Variants in SIGLEC15 observed in about 807,000 individuals in gnomAD.
SIGLEC15 encodes sialic acid binding Ig like lectin 15, also known as sialic acid-binding Ig-like lectin 15.
A neutral mutation model predicts 26.2 loss-of-function variants in SIGLEC15; 31 were observed. That is an observed-to-expected ratio of 1.18 (90% CI 0.89 to 1.60). SIGLEC15 has a LOEUF of 1.60. SIGLEC15 is among the 40% of genes most tolerant of loss of function. The pLI is 0.00. For synonymous variants in SIGLEC15, 207 were observed against 221.9 expected, an observed-to-expected ratio of 0.93 and a Z score of 0.60; for missense variants, 501 against 488.4, an observed-to-expected ratio of 1.03 and a Z score of -0.24.
rs2145011024 is a variant in SIGLEC15, at chr18:45,825,720, G to A, written c.-9G>A. 1.2e-6 allele frequency: 2 copies of A among 1,614,202 alleles called. No individual in the cohort carries two copies. The highest frequency in any genetic ancestry group is 1.7e-6 in the Non-Finnish European group (2 of 1,180,012). ...CGGGTCTGGCCTGGGGTGTTCAGAT[G>A]CTCACAGCATGGAAAAGTCCATCTG... On this transcript the variant is annotated 5_prime_UTR_variant, in exon 1 of 6. It removes an upstream start codon present in the reference 5' UTR. Coordinates refer to ENST00000389474, the MANE Select transcript of SIGLEC15 (RefSeq NM_213602.3).
intron 1 of SIGLEC15, among the ~76,000 whole-genome samples, chr18:45,826,794 G>A (rs2048188284): frequency 6.6e-6 from 1 of 152,178 alleles, no homozygotes; most frequent in Non-Finnish European, 1.5e-5. Context: ...ACTCAGACTG[G>A]AGTCCAGCTC....
chr18:45,837,385 C>A, intron 2 of SIGLEC15, 128 bp from the exon 3 acceptor site: 4 of 1,324,482 alleles, frequency 3.0e-6, no homozygotes, highest in Non-Finnish European at 3.9e-6. Flanking sequence ...GGGGGACGAT[C>A]CCTGAGTCCT....
At chr18:45,832,485 C>A (rs553902) in intron 1 of SIGLEC15, among the ~76,000 whole-genome samples, 79 of 151,136 alleles carry the variant, frequency 5.2e-4, no homozygotes, top group African/African-American at 1.9e-3. Context: ...CTAGGACGTG[C>A]CAGGCACAGA....
intron 1 of SIGLEC15, among the ~76,000 whole-genome samples, chr18:45,830,218 C>G (rs2048222419): frequency 6.6e-6 from 1 of 152,208 alleles, no homozygotes; most frequent in African/African-American, 2.4e-5. Context: ...TGTGGCAAAA[C>G]CAAGGTTTCT....
chr18:45,839,946 C>A, intron 4 of SIGLEC15, among the ~76,000 whole-genome samples: 1 of 152,078 alleles, frequency 6.6e-6, no homozygotes, highest in Middle Eastern at 3.2e-3. Context: ...CTTTCTTGCC[C>A]GTTTCTTGGA....
intron 1 of SIGLEC15, among the ~76,000 whole-genome samples, chr18:45,833,572 C>T (rs1009097261): frequency 5.9e-5 from 9 of 152,178 alleles, no homozygotes; most frequent in Non-Finnish European, 1.2e-4. Flanking sequence ...CTTGGCCTCC[C>T]AAAGTGCTGG....
At position 45,837,901 on chromosome 18, in the gene SIGLEC15, G is replaced by A; in HGVS notation, c.496+5G>A. 6.7e-7 allele frequency: 1 copy of A among 1,499,588 alleles called. No individual in the cohort carries two copies. Among genetic ancestry groups the A allele is most frequent in the East Asian group, 2.8e-5 (1 of 35,826 alleles). 92.9% of individuals were successfully genotyped at this position (1,499,588 alleles called of 1,614,324 possible). ...GCGTCCGGCTGCACGTGACAGGCGA[G>A]GCGGCGTGGGAGCGGGTCCCCGGCC... On this transcript the variant is annotated splice_donor_5th_base_variant and intron_variant, in intron 3 of 5. Coordinates refer to ENST00000389474, the MANE Select transcript of SIGLEC15 (RefSeq NM_213602.3).
chr18:45,842,279 G>A lies in SIGLEC15; in HGVS notation c.*92G>A, dbSNP rs2048331182. 7.0e-7 allele frequency: 1 copy of A among 1,437,396 alleles called. No homozygotes were observed. Among genetic ancestry groups the A allele is most frequent in the South Asian group, 1.2e-5 (1 of 86,238 alleles). 89.0% of individuals were successfully genotyped at this position (1,437,396 alleles called of 1,614,324 possible). A position where few individuals can be genotyped will look rare whatever the true frequency, so the allele number is the denominator to read the frequency against. On this transcript the variant is annotated 3_prime_UTR_variant, in exon 6 of 6. Coordinates refer to ENST00000389474, the MANE Select transcript of SIGLEC15 (RefSeq NM_213602.3). ...TGGCACAGCCAGTCCTGGTTCTCGG[G>A]CACCTTGGCAGCCCCCAGCTGGGTG... is the stretch of plus-strand genomic sequence containing the variant.
chr18:45,833,511 C>T (rs1941305609), intron 1 of SIGLEC15, among the ~76,000 whole-genome samples: 2 of 152,002 alleles, frequency 1.3e-5, no homozygotes, highest in South Asian at 2.1e-4. Flanking sequence ...CGGGGTTTTA[C>T]CATGTTAGCC....
intron 4 of SIGLEC15, among the ~76,000 whole-genome samples, chr18:45,839,396 G>C (rs1179181237): frequency 1.3e-5 from 2 of 152,294 alleles, no homozygotes; most frequent in East Asian, 3.9e-4. Context: ...CTACCACCCG[G>C]TAAACGATTC....
intron 5 of SIGLEC15, among the ~76,000 whole-genome samples, chr18:45,841,471 G>A (rs566293): frequency 0.77 from 116,646 of 151,774 alleles, 45,568 homozygotes; most frequent in East Asian, 0.9. Context: ...GGTTTTAAGC[G>A]GACGCATGGC....
intron 1 of SIGLEC15, 95 bp downstream of exon 1, chr18:45,825,875 T>C (rs947581425): frequency 5.4e-6 from 8 of 1,472,108 alleles, no homozygotes; most frequent in Non-Finnish European, 7.6e-6. Context: ...AGGAAGCAGG[T>C]GTGCAGAGCC....
rs753931063 is a variant in SIGLEC15, at chr18:45,825,709, G to C, written c.-20G>C. 1 of 1,614,126 alleles carries C rather than the reference G, an allele frequency of 6.2e-7. No homozygotes were observed. The highest frequency in any genetic ancestry group is 8.5e-7 in the Non-Finnish European group (1 of 1,179,966). ...GTGGCCGAGAGCGGGTCTGGCCTGGGGTGTTCAGATGCTCACAGCATGGAA... is the reference window on the plus strand; with the variant it reads ...GTGGCCGAGAGCGGGTCTGGCCTGGCGTGTTCAGATGCTCACAGCATGGAA... On this transcript the variant is annotated 5_prime_UTR_variant, in exon 1 of 6. Coordinates refer to ENST00000389474, the MANE Select transcript of SIGLEC15 (RefSeq NM_213602.3).
Position 45,842,444 on chromosome 18 carries a change from A to T in SIGLEC15, c.*257A>T, listed in dbSNP as rs533346380. ...ACGTCTGTGTGTGTGTGTGTGTGTG[A>T]GAGAGAGAGAGAGAGAGTACACGCA... On this transcript the variant is annotated 3_prime_UTR_variant, in exon 6 of 6. Coordinates refer to ENST00000389474, the MANE Select transcript of SIGLEC15 (RefSeq NM_213602.3). The T allele has an allele frequency of 0.018, 4,056 of 220,484 alleles. 9 individuals carry two copies. Among genetic ancestry groups the T allele is most frequent in the Middle Eastern group, 0.058 (37 of 638 alleles). The allele number at this position is 220,484 out of a possible 1,614,324, so 13.7% of individuals were successfully genotyped here. A position where few individuals can be genotyped will look rare whatever the true frequency, so the allele number is the denominator to read the frequency against.
chr18:45,837,487 C>A, intron 2 of SIGLEC15, 26 bp from the exon 3 acceptor site: 2 of 1,454,638 alleles, frequency 1.4e-6, no homozygotes, highest in Admixed American at 2.8e-5. Context: ...GGGCCCCGAG[C>A]CTGACGCAGC....
rs767340625 is a variant in SIGLEC15 at position 45,842,183 on chromosome 18, C to T, written c.983C>T (p.Pro328Leu). 6.2e-7 allele frequency: 1 copy of T among 1,614,094 alleles called. No individual in the cohort carries two copies. Among genetic ancestry groups the T allele is most frequent in the Admixed American group, 1.7e-5 (1 of 60,028 alleles). Residue 328 changes from proline to leucine, a missense_variant, in exon 6 of 6, where the codon CCG becomes CTG. By Grantham distance (98) the Pro-to-Leu change is moderately conservative. Coordinates refer to ENST00000389474, the MANE Select transcript of SIGLEC15 (RefSeq NM_213602.3). ...AGCCCACCAGCCACCATGTGCTCAC[C>T]GTGAGGAGTCCCTCAGCCACCAACA... is the stretch of plus-strand genomic sequence containing the variant. ...PRSPPATMCS[P>L]
Position 45,837,009 on chromosome 18 carries a change from T to A in SIGLEC15, c.53-20T>A, listed in dbSNP as rs9950673. On this transcript the variant is annotated intron_variant, in intron 1 of 5. Coordinates refer to ENST00000389474, the MANE Select transcript of SIGLEC15 (RefSeq NM_213602.3). Reference sequence around the variant, plus strand: ...CAGTTTATTCACGTGTAACCCGGGGTTAACTGTGTTTATCTGTAGGCTCAT... The same window carrying A: ...CAGTTTATTCACGTGTAACCCGGGGATAACTGTGTTTATCTGTAGGCTCAT... 0.17 allele frequency: 203,656 copies of A among 1,217,036 alleles called. 24,085 individuals carry two copies. The highest frequency in any genetic ancestry group is 0.44 in the Admixed American group (25,896 of 59,378). The allele number at this position is 1,217,036 out of a possible 1,614,324, so 75.4% of individuals were successfully genotyped here.
At chr18:45,841,742 G>A (rs575152885) in intron 5 of SIGLEC15, among the ~76,000 whole-genome samples, 29 of 152,322 alleles carry the variant, frequency 1.9e-4, no homozygotes, top group Non-Finnish European at 3.1e-4. Flanking sequence ...AGGGTCATGC[G>A]TAGCACAGTG....
In SIGLEC15 at chr18:45,842,407, G is replaced by C. The variant is rs922825417; in HGVS notation, c.*220G>C. On this transcript the variant is annotated 3_prime_UTR_variant, in exon 6 of 6. Transcript: ENST00000389474. The stretch of plus-strand genomic sequence containing the variant: ...TCCCTGATATTTTTGCCAGCATTTC[G>C]TAAATGTGCATACGTCTGTGTGTGT... 2 of 573,370 alleles carry C rather than the reference G, an allele frequency of 3.5e-6. No individual in the cohort carries two copies. Among genetic ancestry groups the C allele is most frequent in the African/African-American group, 3.8e-5 (2 of 52,318 alleles). The allele number at this position is 573,370 out of a possible 1,614,324, so 35.5% of individuals were successfully genotyped here.
Sources: gnomAD v4.1 joint callset for allele counts (sites outside exome capture counted in the v4.1 genomes callset) on GRCh38, gnomAD v4.1.1 for gene constraint, MANE v1.5 for transcripts, NCBI Gene and HGNC (gene_info 2026-07-23, HGNC 2026-07-21) for gene names.